ZNF717: variants seen among roughly 807,000 people sequenced by gnomAD.
The protein encoded by ZNF717 is krueppel-like factor X17.
A neutral mutation model predicts 13.8 loss-of-function variants in ZNF717; 9 were observed. The observed-to-expected ratio is 0.65, with a 90% CI of 0.39 to 1.14. The LOEUF is 1.14. ZNF717 is among the 50% of genes most tolerant of loss of function. The probability of loss-of-function intolerance (pLI) is 0.01; values close to 1 mark genes in which losing one functional copy is unlikely to be tolerated. For synonymous variants in ZNF717, 327 were observed against 364.1 expected (o/e 0.90, Z 1.16); for missense variants, 1,040 against 1,080.7 (o/e 0.96, Z 0.53).
intron 2 of ZNF717, among the ~76,000 whole-genome samples, chr3:75,770,465 C>A (rs1446436852): frequency 2.0e-5 from 3 of 152,142 alleles, no homozygotes; most frequent in Admixed American, 2.0e-4. Context: ...GAGACTGAGG[C>A]AGGAGAATTG....
At chr3:75,746,904 T>C (rs1358016153) in intron 2 of ZNF717, among the ~76,000 whole-genome samples, 2 of 152,202 alleles carry the variant, frequency 1.3e-5, no homozygotes, top group African/African-American at 2.4e-5. Context: ...TTTGTTGCCA[T>C]TGCTTTTGGT....
At chr3:75,713,085 C>T (rs1424986668) in intron 5 of ZNF717, among the ~76,000 whole-genome samples, 2 of 152,012 alleles carry the variant, frequency 1.3e-5, no homozygotes, top group African/African-American at 2.4e-5. Context: ...GCATTCCAGC[C>T]TGGGTAACAG....
chr3:75,697,899 T>G (rs1399704817), intron 6 of ZNF717, among the ~76,000 whole-genome samples: 1 of 152,258 alleles, frequency 6.6e-6, no homozygotes, highest in African/African-American at 2.4e-5. Flanking sequence ...ATGCTGATAG[T>G]GATCTGGACA....
At chr3:75,758,785 G>C (rs932410970) in intron 2 of ZNF717, among the ~76,000 whole-genome samples, 2 of 152,156 alleles carry the variant, frequency 1.3e-5, no homozygotes, top group Non-Finnish European at 1.5e-5. Flanking sequence ...AGGCCAAGGT[G>C]GGGGGATTGC....
chr3:75,731,116 C>T (rs1406443199), downstream of ZNF717, among the ~76,000 whole-genome samples: 1 of 152,078 alleles, frequency 6.6e-6, no homozygotes, highest in Non-Finnish European at 1.5e-5. Context: ...GAGGCTCACA[C>T]CTGTAACCCC....
chr3:75,719,786 G>A (rs150791631), intron 4 of ZNF717, among the ~76,000 whole-genome samples: 37 of 151,854 alleles, frequency 2.4e-4, no homozygotes, highest in Middle Eastern at 3.4e-3. Flanking sequence ...ATGAAACCCC[G>A]TCTCTACTAA....
downstream of ZNF717, among the ~76,000 whole-genome samples, chr3:75,726,082 G>A (rs1163167007): frequency 1.3e-5 from 2 of 152,174 alleles, no homozygotes; most frequent in Non-Finnish European, 2.9e-5. Context: ...TCATCAATTC[G>A]TGTCATTATT....
Position 75,736,847 on chromosome 3 carries a change from A to G in ZNF717, c.*31T>C. 6.6e-7 allele frequency: 1 copy of G among 1,509,072 alleles called. No homozygotes were observed. The highest frequency in any genetic ancestry group is 1.3e-5 in the South Asian group (1 of 75,926). The allele number at this position is 1,509,072 out of a possible 1,614,324, so 93.5% of individuals were successfully genotyped here. A position where few individuals can be genotyped will look rare whatever the true frequency, so the allele number is the denominator to read the frequency against. ...CTAGACTGAGCATGGAGAAATCTGT[A>G]ATAGTAGCCAGAGAGGTGTAGGTTG... On this transcript the variant is annotated 3_prime_UTR_variant, in exon 5 of 5. Coordinates refer to ENST00000652011, the MANE Select transcript of ZNF717 (RefSeq NM_001290208.3).
intron 6 of ZNF717, among the ~76,000 whole-genome samples, chr3:75,699,671 T>C (rs201182001): frequency 2.0e-5 from 3 of 152,362 alleles, no homozygotes; most frequent in East Asian, 3.9e-4. Context: ...GTATACCCTG[T>C]AGAACCATGA....
At chr3:75,758,840 CA>C (rs748984499) in intron 2 of ZNF717, among the ~76,000 whole-genome samples, 103 of 140,828 alleles carry the variant, frequency 7.3e-4, no homozygotes, top group South Asian at 1.3e-3. Flanking sequence ...ACCATCTCTA[CA>C]AAAAAAAAAA....
intron 4 of ZNF717, among the ~76,000 whole-genome samples, chr3:75,719,287 A>AAAC (rs1938124118): frequency 6.6e-6 from 1 of 151,026 alleles, no homozygotes; most frequent in South Asian, 2.1e-4. Context: ...CCTGTCTCAA[A>AAAC]AAAAAAAAAA....
intron 5 of ZNF717, among the ~76,000 whole-genome samples, chr3:75,712,123 T>A (rs1400668150): frequency 9.8e-4 from 149 of 152,344 alleles, no homozygotes; most frequent in African/African-American, 3.4e-3. Flanking sequence ...TGACAAAAGG[T>A]TGAAGGAAAG....
At chr3:75,765,979 T>G (rs1374801114) in intron 2 of ZNF717, among the ~76,000 whole-genome samples, 1 of 152,220 alleles carries the variant, frequency 6.6e-6, no homozygotes, top group East Asian at 2.0e-4. Context: ...TATGGTGCCA[T>G]GCACCTGTAG....
At chr3:75,749,718 A>G (rs1941532789) in intron 2 of ZNF717, among the ~76,000 whole-genome samples, 1 of 150,296 alleles carries the variant, frequency 6.7e-6, no homozygotes, top group African/African-American at 2.5e-5. Context: ...GAACACTGCC[A>G]TGAGGGCCTG....
downstream of ZNF717, among the ~76,000 whole-genome samples, chr3:75,732,378 C>A (rs553186034): frequency 1.3e-5 from 2 of 152,240 alleles, no homozygotes; most frequent in African/African-American, 2.4e-5. Flanking sequence ...GAGGCCCAGT[C>A]GTAAGACTCC....
chr3:75,719,592 G>C (rs1286587883), intron 4 of ZNF717, among the ~76,000 whole-genome samples: 2 of 152,186 alleles, frequency 1.3e-5, no homozygotes, highest in Non-Finnish European at 2.9e-5. Flanking sequence ...ATCCGCCTCA[G>C]TGTGTGCCCT....
At chr3:75,776,909 G>A (rs74785489) in intron 2 of ZNF717, among the ~76,000 whole-genome samples, 75 of 140,328 alleles carry the variant, frequency 5.3e-4, no homozygotes, top group African/African-American at 1.0e-3. Flanking sequence ...ACAAAAAACC[G>A]ACTTAGTTAA....
At chr3:75,748,576 C>A (rs1169940622) in intron 2 of ZNF717, among the ~76,000 whole-genome samples, 1 of 152,060 alleles carries the variant, frequency 6.6e-6, no homozygotes, top group African/African-American at 2.4e-5. Flanking sequence ...ATAAACAGAA[C>A]CAAAGACAAA....
chr3:75,734,824 T>A (rs1205273762), downstream of ZNF717, among the ~76,000 whole-genome samples: 676 of 49,424 alleles, frequency 0.014, 3 homozygotes, highest in African/African-American at 0.038. Flanking sequence ...TATATTTTTT[T>A]TTTTTTTTTT....
Sources: allele counts gnomAD v4.1 joint callset (sites outside exome capture counted in the v4.1 genomes callset), GRCh38; gene constraint gnomAD v4.1.1; transcripts MANE v1.5; gene names NCBI Gene and HGNC (gene_info 2026-07-23, HGNC 2026-07-21).